The following ABCC9 variants were observed in gnomAD, a reference collection of about 807,000 sequenced individuals.
ABCC9 encodes the protein ATP-binding cassette sub-family C member 9.
A neutral mutation model predicts 188.3 loss-of-function variants in ABCC9; 95 were observed. That is an observed-to-expected ratio of 0.50 (90% CI 0.43 to 0.60). ABCC9 has a LOEUF of 0.60. Ranked by LOEUF, ABCC9 falls within the 20% of genes least tolerant of loss-of-function variation. The pLI is 0.00. For synonymous variants in ABCC9, 659 were observed against 652.7 expected, an observed-to-expected ratio of 1.01 and a Z score of -0.15; for missense variants, 1,102 against 1,876.3, an observed-to-expected ratio of 0.59 and a Z score of 7.62.
At chr12:21,927,660 G>A (rs191304035) in intron 4 of ABCC9, among the ~76,000 whole-genome samples, 1 of 152,206 alleles carries the variant, frequency 6.6e-6, no homozygotes, top group Non-Finnish European at 1.5e-5. Flanking sequence ...AATAAGTTTC[G>A]CCAGACATTT....
At chr12:21,909,986 C>G (rs1055121530) in intron 10 of ABCC9, among the ~76,000 whole-genome samples, 171 bp downstream of exon 10, 2 of 151,916 alleles carry the variant, frequency 1.3e-5, no homozygotes, top group African/African-American at 4.8e-5. Context: ...TCAAACTTCT[C>G]TTGCTTAACC....
intron 3 of ABCC9, among the ~76,000 whole-genome samples, chr12:21,935,835 T>C (rs764329169): frequency 2.6e-5 from 4 of 152,152 alleles, no homozygotes; most frequent in Non-Finnish European, 5.9e-5. Flanking sequence ...TTTAAAAAAG[T>C]TAAAGGGTCT....
At chr12:21,858,983 G>A (rs1168341669) in intron 22 of ABCC9, among the ~76,000 whole-genome samples, 2 of 152,054 alleles carry the variant, frequency 1.3e-5, no homozygotes, top group Admixed American at 6.6e-5. Flanking sequence ...CAACATAACC[G>A]TCAAATTTTA....
intron 18 of ABCC9, among the ~76,000 whole-genome samples, chr12:21,866,058 G>GAA (rs34070267): frequency 7.8e-5 from 11 of 140,472 alleles, no homozygotes; most frequent in East Asian, 6.2e-4. Context: ...TGTGCTAGAT[G>GAA]AAAAAAAAAA....
intron 24 of ABCC9, among the ~76,000 whole-genome samples, chr12:21,848,720 G>C (rs529735233): frequency 4.6e-5 from 7 of 152,206 alleles, no homozygotes; most frequent in Non-Finnish European, 7.4e-5. Flanking sequence ...AGTTTCTTTA[G>C]CATCTCACTA....
At chr12:21,858,423 A>T (rs200592025) in intron 22 of ABCC9, among the ~76,000 whole-genome samples, 41 of 152,120 alleles carry the variant, frequency 2.7e-4, no homozygotes, top group East Asian at 5.8e-4. Context: ...AAAATAAAAA[A>T]AAAAAAATAG....
At position 21,835,022 on chromosome 12, in the gene ABCC9, G is replaced by A. The variant is rs138915365; in HGVS notation, c.3566+3056C>T. On this transcript the variant is annotated intron_variant, in intron 30 of 39. Coordinates refer to ENST00000261200, the MANE Select transcript of ABCC9 (RefSeq NM_020297.4). ...ACGGCATCAGGCTGGCCTATGTTGG[G>A]GTTGGCCAGGAGCAGGAGGAGCTCA... Among the ~76,000 whole-genome samples the A allele has an allele frequency of 3.3e-3, 500 of 152,186 alleles. 8 individuals are homozygous for A. The highest frequency in any genetic ancestry group is 0.028 in the Admixed American group (435 of 15,278).
At chr12:21,836,291 C>T (rs1944083918) in intron 30 of ABCC9, among the ~76,000 whole-genome samples, 1 of 152,172 alleles carries the variant, frequency 6.6e-6, no homozygotes, top group Non-Finnish European at 1.5e-5. Flanking sequence ...AGGATCCAGT[C>T]TAAGTTATTT....
intron 31 of ABCC9, among the ~76,000 whole-genome samples, 174 bp downstream of exon 31, chr12:21,828,784 A>C (rs1005807201): frequency 2.0e-5 from 3 of 152,240 alleles, no homozygotes; most frequent in African/African-American, 7.2e-5. Context: ...ATTAGCTAAA[A>C]CATTATGACA....
At chr12:21,895,060 C>G (rs1412300679) in intron 13 of ABCC9, among the ~76,000 whole-genome samples, 7 of 152,264 alleles carry the variant, frequency 4.6e-5, no homozygotes, top group African/African-American at 1.7e-4. Context: ...CGTCCTAACA[C>G]AGAGGGCAGC....
chr12:21,878,996 G>T (rs1171914494), intron 16 of ABCC9, among the ~76,000 whole-genome samples: 1 of 152,166 alleles, frequency 6.6e-6, no homozygotes, highest in African/African-American at 2.4e-5. Flanking sequence ...ATCATGTAAG[G>T]ATAGGTACAA....
chr12:21,871,651 G>T (rs1946082664), intron 18 of ABCC9, among the ~76,000 whole-genome samples: 1 of 152,266 alleles, frequency 6.6e-6, no homozygotes, highest in South Asian at 2.1e-4. Flanking sequence ...ACATCTGTGG[G>T]TTTCCCAACC....
chr12:21,885,102 A>C (rs547850945), intron 15 of ABCC9, among the ~76,000 whole-genome samples: 88 of 152,344 alleles, frequency 5.8e-4, no homozygotes, highest in African/African-American at 2.0e-3. Flanking sequence ...ATGTAATATG[A>C]AGAGACTTTG....
chr12:21,927,607 C>G (rs1949093428), intron 4 of ABCC9, among the ~76,000 whole-genome samples: 1 of 151,974 alleles, frequency 6.6e-6, no homozygotes, highest in African/African-American at 2.4e-5. Flanking sequence ...GCCGTGTGAC[C>G]AAATAAGATT....
At chr12:21,864,002 C>T (rs562478510) in intron 19 of ABCC9, among the ~76,000 whole-genome samples, 1 of 149,460 alleles carries the variant, frequency 6.7e-6, no homozygotes, top group Non-Finnish European at 1.5e-5. Context: ...GCCTGCTTTC[C>T]CCCCCACCCC....
At chr12:21,863,928 G>A (rs576990146) in intron 19 of ABCC9, among the ~76,000 whole-genome samples, 1 of 152,182 alleles carries the variant, frequency 6.6e-6, no homozygotes, top group South Asian at 2.1e-4. Flanking sequence ...ATACTATATA[G>A]TATGCTAGCA....
intron 16 of ABCC9, 21 bp from the exon 17 acceptor site, chr12:21,875,747 A>C: frequency 6.4e-6 from 10 of 1,565,054 alleles, no homozygotes; most frequent in Non-Finnish European, 8.8e-6. Context: ...AAAATACAGA[A>C]ATTAAATTAT....
intron 18 of ABCC9, among the ~76,000 whole-genome samples, chr12:21,868,989 T>C (rs551489834): frequency 3.2e-4 from 48 of 152,282 alleles, no homozygotes; most frequent in African/African-American, 8.7e-4. Context: ...ATATGTTTTA[T>C]CAGATATTAA....
At chr12:21,863,210 C>A (rs1363593364) in intron 19 of ABCC9, among the ~76,000 whole-genome samples, 156 bp from the exon 20 acceptor site, 1 of 151,932 alleles carries the variant, frequency 6.6e-6, no homozygotes. Flanking sequence ...GACCACCAAC[C>A]TTATTAAGAA....
Sources: gnomAD v4.1 joint callset for allele counts (sites outside exome capture counted in the v4.1 genomes callset) on GRCh38, gnomAD v4.1.1 for gene constraint, MANE v1.5 for transcripts, NCBI Gene and HGNC (gene_info 2026-07-23, HGNC 2026-07-21) for gene names.